Variants in PNKD observed in about 807,000 individuals in gnomAD.
PNKD encodes the protein probable thioesterase PNKD.
Under a neutral mutation model 45.3 loss-of-function variants are expected in PNKD, and 36 were observed. That is an observed-to-expected ratio of 0.80 (90% confidence interval 0.61 to 1.05). The LOEUF (loss-of-function observed/expected upper bound fraction) is 1.05. PNKD is among the 50% of genes least tolerant of loss of function. The probability of loss-of-function intolerance (pLI) is 0.00; values close to 1 mark genes in which losing one functional copy is unlikely to be tolerated. For synonymous variants in PNKD, 197 were observed against 210.1 expected (o/e 0.94, Z 0.54); for missense variants, 511 against 506.6 (o/e 1.01, Z -0.08).
At chr2:218,272,752 T>TGCAGACCTGAGGA in intron 2 of PNKD, 2 of 1,613,862 alleles carry the variant, frequency 1.2e-6, no homozygotes, top group Non-Finnish European at 1.7e-6. Context: ...GGGTCTGGGG[T>TGCAGACCTGAGGA]GCAGACCTGA....
intron 2 of PNKD, among the ~76,000 whole-genome samples, chr2:218,287,721 A>C (rs1002002227): frequency 1.3e-5 from 2 of 151,696 alleles, no homozygotes; most frequent in African/African-American, 4.8e-5. Context: ...AAAAAAAAAG[A>C]CAGCCAGCCC....
At chr2:218,278,580 A>T in intron 2 of PNKD, 2 of 1,614,120 alleles carry the variant, frequency 1.2e-6, no homozygotes, top group Non-Finnish European at 1.7e-6. Flanking sequence ...GGACAAAGAG[A>T]TGGGGAAGCA....
intron 2 of PNKD, among the ~76,000 whole-genome samples, chr2:218,281,233 G>C (rs529937218): frequency 2.5e-4 from 34 of 133,520 alleles, no homozygotes; most frequent in Non-Finnish European, 4.3e-4. Flanking sequence ...TCCTGGGATT[G>C]CAAGCGATTC....
At chr2:218,289,139 G>A (rs1306018962) in intron 2 of PNKD, among the ~76,000 whole-genome samples, 1 of 152,204 alleles carries the variant, frequency 6.6e-6, no homozygotes, top group Non-Finnish European at 1.5e-5. Context: ...TGGGGCCAAG[G>A]CAGTAAAGAT....
chr2:218,322,645 TC>T (rs915643582), intron 2 of PNKD, among the ~76,000 whole-genome samples: 12 of 152,180 alleles, frequency 7.9e-5, no homozygotes, highest in African/African-American at 2.9e-4. Flanking sequence ...CTCCTTGACT[TC>T]CTTTCGCAAT....
Position 218,341,615 on chromosome 2 carries a change from C to A in PNKD, c.606C>A (p.Pro202=). The part of the protein sequence containing the change: ...RVYGSPQDGI[P]YLTHPLCHQD... ...ACGGGAGCCCTCAGGACGGCATCCC[C>A]TACCTCACCCAGTAAGTCCCTGACC... The change falls in exon 6 of 10, where the codon CCC becomes CCA. Residue 202 remains proline (P), a synonymous_variant. Coordinates refer to ENST00000273077, the MANE Select transcript of PNKD (RefSeq NM_015488.5). 6.3e-7 allele frequency: 1 copy of A among 1,576,658 alleles called. No homozygotes were observed. Among genetic ancestry groups the A allele is most frequent in the East Asian group, 2.4e-5 (1 of 42,512 alleles).
intron 2 of PNKD, among the ~76,000 whole-genome samples, chr2:218,310,859 T>C (rs1273133726): frequency 6.6e-6 from 1 of 152,162 alleles, no homozygotes; most frequent in Non-Finnish European, 1.5e-5. Flanking sequence ...CCAAAAGTGC[T>C]GGGATTACAG....
At chr2:218,332,391 G>A (rs1453570268) in intron 2 of PNKD, among the ~76,000 whole-genome samples, 2 of 152,192 alleles carry the variant, frequency 1.3e-5, no homozygotes, top group African/African-American at 4.8e-5. Flanking sequence ...AGGATGGGGA[G>A]CTGACCATGG....
At position 218,272,919 on chromosome 2, in the gene PNKD, A is replaced by G. The variant is rs1009521261; in HGVS notation, c.236+1370A>G. 4.6e-6 allele frequency: 7 copies of G among 1,518,466 alleles called. No homozygotes were observed. In the African/African-American group the frequency reaches 8.3e-5, roughly 18 times the overall value. The allele number at this position is 1,518,466 out of a possible 1,614,324, so 94.1% of individuals were successfully genotyped here. ...ACCAAGGAGCCAGCCAAAGGCAAAT[A>G]AAGTTATTGAGTGTTTAGTAGAAAG... On this transcript the variant is annotated intron_variant, in intron 2 of 9. Transcript: ENST00000273077.
chr2:218,304,849 T>C (rs6729130), intron 2 of PNKD, among the ~76,000 whole-genome samples: 95,113 of 151,630 alleles, frequency 0.63, 29,994 homozygotes, highest in African/African-American at 0.69. Context: ...CTGAGGTGGG[T>C]GGATCACTTG....
chr2:218,342,025 TC>T lies in PNKD; in HGVS notation c.664del (p.Arg222GlyfsTer51). 6.2e-7 allele frequency: 1 copy of T among 1,613,764 alleles called. No homozygotes were observed. The highest frequency in any genetic ancestry group is 1.1e-5 in the South Asian group (1 of 91,070). On this transcript the variant is annotated frameshift_variant, in exon 7 of 10. Transcript: ENST00000273077. LOFTEE classifies it high-confidence loss of function. The part of the protein sequence containing the change: ...QDVVSVGRLQ[I>X]RALATPGHTQ... ...GTGGTCAGCGTGGGACGGCTTCAGATCCGGGCCCTGGCTACACCTGGCCACA... is the reference window on the plus strand; with the variant it reads ...GTGGTCAGCGTGGGACGGCTTCAGATCGGGCCCTGGCTACACCTGGCCACA...
chr2:218,342,848 C>G (rs753327390), intron 7 of PNKD, among the ~76,000 whole-genome samples: 1 of 152,116 alleles, frequency 6.6e-6, no homozygotes, highest in Non-Finnish European at 1.5e-5. Context: ...GGTGAAACCC[C>G]GTCTCTACAA....
chr2:218,306,276 G>C (rs951756211), intron 2 of PNKD, among the ~76,000 whole-genome samples: 1 of 152,144 alleles, frequency 6.6e-6, no homozygotes, highest in Non-Finnish European at 1.5e-5. Flanking sequence ...ATGGCTAGGG[G>C]CTGCAGGTGC....
At position 218,296,009 on chromosome 2, in the gene PNKD, G is replaced by A. The variant is rs112133404; in HGVS notation, c.236+24460G>A. On this transcript the variant is annotated intron_variant, in intron 2 of 9. Transcript: ENST00000273077. ...TACAGACATGAGCACCACCACGCCC[G>A]GCTAATTTTTGTATTTTCTGTGGAG... Among the ~76,000 whole-genome samples the A allele has an allele frequency of 2.4e-3, 360 of 151,830 alleles. 2 individuals carry two copies. The highest frequency in any genetic ancestry group is 8.3e-3 in the African/African-American group (342 of 41,370).
intron 2 of PNKD, among the ~76,000 whole-genome samples, chr2:218,293,948 AAGAC>A (rs989665110): frequency 6.6e-6 from 1 of 150,456 alleles, no homozygotes; most frequent in Non-Finnish European, 1.5e-5. Flanking sequence ...AAAAAAAAAA[AAGAC>A]AGATTTTTAA....
intron 2 of PNKD, chr2:218,287,236 G>C (rs1283414476): frequency 2.0e-5 from 3 of 152,226 alleles, no homozygotes; most frequent in African/African-American, 7.2e-5. Flanking sequence ...GGAAACCCCA[G>C]AGCCAAGAAA....
chr2:218,318,950 CTT>C (rs769001811), intron 2 of PNKD, among the ~76,000 whole-genome samples: 10 of 99,892 alleles, frequency 1.0e-4, no homozygotes, highest in Non-Finnish European at 1.1e-4. Context: ...TTTTTTTTTT[CTT>C]TTTTTTTTTT....
At chr2:218,332,059 C>A (rs181441834) in intron 2 of PNKD, among the ~76,000 whole-genome samples, 88 of 152,304 alleles carry the variant, frequency 5.8e-4, no homozygotes, top group Non-Finnish European at 1.0e-3. Flanking sequence ...TTCCAGAAGG[C>A]CTGACTGGAA....
intron 2 of PNKD, among the ~76,000 whole-genome samples, chr2:218,307,688 C>T (rs752028331): frequency 7.2e-5 from 11 of 152,066 alleles, no homozygotes; most frequent in Non-Finnish European, 1.2e-4. Flanking sequence ...GGACCCCTAC[C>T]GTGGGGCATC....
Sources: gnomAD v4.1 joint callset for allele counts (sites outside exome capture counted in the v4.1 genomes callset) on GRCh38, gnomAD v4.1.1 for gene constraint, MANE v1.5 for transcripts, NCBI Gene and HGNC (gene_info 2026-07-23, HGNC 2026-07-21) for gene names.